AKR7A3: variants seen among roughly 807,000 people sequenced by gnomAD.
AKR7A3 encodes the protein AFB1 aldehyde reductase 2.
In AKR7A3, 37 loss-of-function variants were observed where a neutral mutation model predicts 32.5. The observed-to-expected ratio is 1.14, with a 90% confidence interval of 0.88 to 1.50. AKR7A3 has a LOEUF of 1.50. Among genes scored for constraint, AKR7A3 ranks in the 40% most tolerant of loss-of-function variants. The pLI is 0.00. For synonymous variants in AKR7A3, 177 were observed against 188.4 expected, an observed-to-expected ratio of 0.94 and a Z score of 0.50; for missense variants, 412 against 453.2, an observed-to-expected ratio of 0.91 and a Z score of 0.83.
At position 19,285,031 on chromosome 1, in the gene AKR7A3, G is replaced by A. The variant is rs377696881; in HGVS notation, c.591C>T (p.Phe197=). The change falls in exon 4 of 7, where the codon TTC becomes TTT. Residue 197 remains phenylalanine, a synonymous_variant. Transcript: ENST00000361640. ...TGCTCCACGTACCAGCCAGAGGGTTGAAGGCATAGAACCTCAGTCCAAAGT... is the reference window on the plus strand; with the variant it reads ...TGCTCCACGTACCAGCCAGAGGGTTAAAGGCATAGAACCTCAGTCCAAAGT... The part of the protein sequence containing the change: ...LRHFGLRFYA[F]NPLAGGLLTG... 1.9e-6 allele frequency: 3 copies of A among 1,612,784 alleles called. No individual in the cohort carries two copies. The highest frequency in any genetic ancestry group is 2.5e-6 in the Non-Finnish European group (3 of 1,179,872).
At position 19,284,790 on chromosome 1, in the gene AKR7A3, G is replaced by C; in HGVS notation, c.605-5C>G. On this transcript the variant is annotated splice_region_variant and splice_polypyrimidine_tract_variant and intron_variant, in intron 4 of 6. Transcript: ENST00000361640. The stretch of plus-strand genomic sequence containing the variant: ...ACTTGCCGGTCAGCAGGCCCCCTGA[G>C]GGAAAGCAGCAATCAGCCCCGGGGC... The C allele has an allele frequency of 6.2e-7, 1 of 1,613,790 alleles. No individual in the cohort carries two copies. The highest frequency in any genetic ancestry group is 1.1e-5 in the South Asian group (1 of 91,078).
At position 19,285,048 on chromosome 1, in the gene AKR7A3, G is replaced by A. The variant is rs766927637; in HGVS notation, c.574C>T (p.Leu192=). ...AGAGGGTTGAAGGCATAGAACCTCA[G>A]TCCAAAGTGCCTGAGGCAGGGGAAG... The part of the protein sequence containing the change: ...ELFPCLRHFG[L]RFYAFNPLAG... Residue 192 remains leucine (L), a synonymous_variant, in exon 4 of 7, where the codon CTG becomes TTG. Transcript: ENST00000361640. 33 of 1,613,124 alleles carry A rather than the reference G, an allele frequency of 2.0e-5. No individual in the cohort carries two copies. The highest frequency in any genetic ancestry group is 1.7e-4 in the Middle Eastern group (1 of 5,742).
At chr1:19,279,975 T>C (rs1034486772), downstream of AKR7A3, among the ~76,000 whole-genome samples, 1 of 148,554 alleles carries the variant, frequency 6.7e-6, no homozygotes, top group African/African-American at 2.6e-5. Flanking sequence ...GTGTATTTTA[T>C]GTGCGGCCCA....
At chr1:19,284,601 G>T in intron 5 of AKR7A3, 85 bp downstream of exon 5, 2 of 1,395,784 alleles carry the variant, frequency 1.4e-6, no homozygotes, top group Non-Finnish European at 2.0e-6. Context: ...GCGAGGAAAG[G>T]CCTTACCCCA....
At chr1:19,275,381 A>G in the AKR7A3 span, among the ~76,000 whole-genome samples, 11,129 of 151,712 alleles carry the variant, frequency 0.073, 586 homozygotes, top group Non-Finnish European at 0.12. Flanking sequence ...ATTGCACTCC[A>G]GCCGAGGCAA....
chr1:19,274,349 A>C, the AKR7A3 span, among the ~76,000 whole-genome samples: 2 of 151,858 alleles, frequency 1.3e-5, no homozygotes, highest in Non-Finnish European at 2.9e-5. Flanking sequence ...ACACTCCTCA[A>C]GTCCGCAAGG....
chr1:19,275,643 A>C, the AKR7A3 span, among the ~76,000 whole-genome samples: 1 of 151,728 alleles, frequency 6.6e-6, no homozygotes, highest in Admixed American at 6.6e-5. Context: ...CTCTACAAAA[A>C]GTTTTAAAAA....
At position 19,285,881 on chromosome 1, in the gene AKR7A3, C is replaced by G; in HGVS notation, c.507+7G>C. The stretch of plus-strand genomic sequence containing the variant: ...GAGACCTTGGCCTCTGCAGCCCTGG[C>G]TCTCACCTGGTACACAGTGGGCAGG... On this transcript the variant is annotated splice_region_variant and intron_variant, in intron 3 of 6. Coordinates refer to ENST00000361640, the MANE Select transcript of AKR7A3 (RefSeq NM_012067.3). 6.2e-7 allele frequency: 1 copy of G among 1,613,618 alleles called. No individual in the cohort carries two copies.
At position 19,288,690 on chromosome 1, in the gene AKR7A3, C is replaced by G. The variant is rs993745008; in HGVS notation, c.20G>C (p.Arg7Pro). 1 of 1,510,660 alleles carries G rather than the reference C, an allele frequency of 6.6e-7. No individual in the cohort carries two copies. The highest frequency in any genetic ancestry group is 1.4e-5 in the African/African-American group (1 of 71,248). 93.6% of individuals were successfully genotyped at this position (1,510,660 alleles called of 1,614,324 possible). A position where few individuals can be genotyped will look rare whatever the true frequency, so the allele number is the denominator to read the frequency against. The change falls in exon 1 of 7, where the codon CGG (arginine) becomes CCG (proline). Residue 7 changes from arginine to proline, a missense_variant. Transcript: ENST00000361640. ...GCCCAGCACCGTGGCTGGCCGGGCC[C>G]GCGACAGCTGCCGGGACATGACGGC... MSRQLS[R>P]ARPATVLGAM... is the part of the protein sequence containing the mutation.
intron 1 of AKR7A3, among the ~76,000 whole-genome samples, chr1:19,287,655 T>C (rs1400980564): frequency 1.3e-5 from 2 of 151,990 alleles, no homozygotes; most frequent in Admixed American, 6.6e-5. Flanking sequence ...ACCCGCGGCA[T>C]TGCCAAAACA....
intron 1 of AKR7A3, among the ~76,000 whole-genome samples, chr1:19,286,683 C>T (rs2093731219): frequency 6.6e-6 from 1 of 151,670 alleles, no homozygotes; most frequent in Non-Finnish European, 1.5e-5. Flanking sequence ...AAAAAACAAA[C>T]AAACAAACAA....
downstream of AKR7A3, among the ~76,000 whole-genome samples, chr1:19,282,235 T>C (rs2093719862): frequency 6.6e-6 from 1 of 151,746 alleles, no homozygotes; most frequent in African/African-American, 2.4e-5. Flanking sequence ...GGTTAGGGTA[T>C]GGGGGCAAAT....
intron 6 of AKR7A3, 75 bp downstream of exon 6, chr1:19,283,921 G>C (rs1053549530): frequency 1.9e-6 from 3 of 1,599,256 alleles, no homozygotes; most frequent in East Asian, 2.2e-5. Flanking sequence ...ATAAACAAAT[G>C]TTTCAGCCTT....
At chr1:19,286,901 A>G (rs1376201422) in intron 1 of AKR7A3, among the ~76,000 whole-genome samples, 2 of 151,724 alleles carry the variant, frequency 1.3e-5, no homozygotes, top group Non-Finnish European at 2.9e-5. Flanking sequence ...CTGCTTCTCA[A>G]TTGAATTTAA....
chr1:19,279,127 T>G (rs2093715290), downstream of AKR7A3, among the ~76,000 whole-genome samples: 1 of 151,786 alleles, frequency 6.6e-6, no homozygotes, highest in South Asian at 2.1e-4. Context: ...CCCAGCTAAT[T>G]TTCTTTTTAT....
intron 3 of AKR7A3, among the ~76,000 whole-genome samples, chr1:19,285,631 C>T (rs2093728211): frequency 2.6e-5 from 4 of 151,540 alleles, no homozygotes; most frequent in Admixed American, 1.3e-4. Flanking sequence ...GGGGGAAGGG[C>T]TTGTTCCAGG....
At chr1:19,282,979 T>C in intron 6 of AKR7A3, 87 bp from the exon 7 acceptor site, 1 of 1,545,812 alleles carries the variant, frequency 6.5e-7, no homozygotes, top group Non-Finnish European at 8.9e-7. Flanking sequence ...CTGCTGAGAT[T>C]TGGGATCTCT....
At chr1:19,280,926 A>G (rs1207834594), downstream of AKR7A3, among the ~76,000 whole-genome samples, 2 of 151,748 alleles carry the variant, frequency 1.3e-5, no homozygotes, top group Non-Finnish European at 2.9e-5. Context: ...ATTAATTGAC[A>G]ATACCATGAA....
chr1:19,275,534 A>G, the AKR7A3 span, among the ~76,000 whole-genome samples: 1 of 151,948 alleles, frequency 6.6e-6, no homozygotes, highest in Admixed American at 6.6e-5. Flanking sequence ...TGGCCCGTAT[A>G]GTGGTTGACA....
Sources: allele counts gnomAD v4.1 joint callset (sites outside exome capture counted in the v4.1 genomes callset), GRCh38; gene constraint gnomAD v4.1.1; transcripts MANE v1.5; gene names NCBI Gene and HGNC (gene_info 2026-07-23, HGNC 2026-07-21).